Variants in CDKL1 observed in about 807,000 individuals in gnomAD.
CDKL1 encodes the protein cyclin dependent kinase like 1, also known as cyclin-dependent kinase-like 1.
Under a neutral mutation model 42.0 loss-of-function variants are expected in CDKL1, and 41 were observed. The ratio of observed to expected loss-of-function variants is 0.98; its 90% CI spans 0.76 to 1.27. CDKL1 has a LOEUF of 1.27. Ranked by LOEUF, CDKL1 falls within the 50% of genes most tolerant of loss-of-function variation. The pLI, the probability that CDKL1 is intolerant of heterozygous loss-of-function variation, is 0.00. For synonymous variants in CDKL1, 153 were observed against 158.6 expected (o/e 0.96, Z 0.26); for missense variants, 394 against 428.4 (o/e 0.92, Z 0.71).
rs1057496981 is a variant in CDKL1, at chr14:50,327,656, G to C, written c.*2418C>G. On this transcript the variant is annotated 3_prime_UTR_variant, in exon 10 of 10. Coordinates refer to ENST00000395834, the MANE Select transcript of CDKL1 (RefSeq NM_004196.7). ...ATTTTTGTACTTTTAGTAGAGACAG[G>C]GTTTCACCATCTTGGCCAGACTGGT... The C allele has an allele frequency of 6.6e-6, 1 of 151,730 alleles. No individual in the cohort carries two copies. Among genetic ancestry groups the C allele is most frequent in the Non-Finnish European group, 1.5e-5 (1 of 68,012 alleles). The allele number at this position is 151,730 out of a possible 1,614,324, so 9.4% of individuals were successfully genotyped here. A position where few individuals can be genotyped will look rare whatever the true frequency, so the allele number is the denominator to read the frequency against.
intron 2 of CDKL1, among the ~76,000 whole-genome samples, chr14:50,379,794 G>C (rs1366218594): frequency 6.6e-6 from 1 of 152,212 alleles, no homozygotes; most frequent in Non-Finnish European, 1.5e-5. Context: ...CCAGTCCAAA[G>C]TGTTGCTGAC....
At position 50,346,258 on chromosome 14, in the gene CDKL1, G is replaced by A. The variant is rs192800105; in HGVS notation, c.291-1200C>T. On this transcript the variant is annotated intron_variant, in intron 3 of 9. Coordinates refer to ENST00000395834, the MANE Select transcript of CDKL1 (RefSeq NM_004196.7). ...GGGATCACATGAAGGAAAGGAAGAGGCCACTTCCAGGAAGGCTAGTTGGGA... is the reference window on the plus strand; with the variant it reads ...GGGATCACATGAAGGAAAGGAAGAGACCACTTCCAGGAAGGCTAGTTGGGA... 1.5e-3 allele frequency among the ~76,000 whole-genome samples: 227 copies of A among 152,174 alleles called. 1 individual carries two copies. The highest frequency in any genetic ancestry group is 2.5e-3 in the Non-Finnish European group (171 of 68,002).
intron 7 of CDKL1, among the ~76,000 whole-genome samples, chr14:50,338,243 G>C (rs575847678): frequency 6.6e-6 from 1 of 152,232 alleles, no homozygotes; most frequent in African/African-American, 2.4e-5. Context: ...ATTTTGGAAA[G>C]AGTCTTGCTC....
chr14:50,367,080 C>A (rs781481598), intron 2 of CDKL1, among the ~76,000 whole-genome samples: 1 of 152,178 alleles, frequency 6.6e-6, no homozygotes, highest in Non-Finnish European at 1.5e-5. Context: ...AGAACCCTCC[C>A]ACCCAGATGT....
chr14:50,344,613 G>A (rs1189336751), intron 4 of CDKL1, among the ~76,000 whole-genome samples: 4 of 151,678 alleles, frequency 2.6e-5, no homozygotes. Context: ...AGGACCACAG[G>A]CACACACCAC....
intron 2 of CDKL1, among the ~76,000 whole-genome samples, chr14:50,368,004 G>C (rs2034480263): frequency 6.6e-6 from 1 of 152,050 alleles, no homozygotes; most frequent in Admixed American, 6.6e-5. Context: ...TGTCACCCAG[G>C]TGGGAATGCA....
intron 2 of CDKL1, among the ~76,000 whole-genome samples, chr14:50,387,014 G>C (rs1400447689): frequency 1.3e-5 from 2 of 149,194 alleles, no homozygotes; most frequent in African/African-American, 5.0e-5. Flanking sequence ...AAGACAGAGC[G>C]AGACTCCGTC....
Position 50,338,993 on chromosome 14 carries a change from G to A in CDKL1, c.692C>T (p.Thr231Met), listed in dbSNP as rs777979509. The A allele has an allele frequency of 1.4e-5, 22 of 1,612,884 alleles. No homozygotes were observed. Among genetic ancestry groups the A allele is most frequent in the Admixed American group, 8.3e-5 (5 of 60,018 alleles). Residue 231 changes from threonine (T) to methionine (M), a missense_variant, in exon 7 of 10, where the codon ACG (threonine) becomes ATG (methionine). Transcript: ENST00000395834. ...TTTCACTCCACTGAAGTACTGATTC[G>A]TGCTAAACACTTGCTGGTGCCTAGG... is the stretch of plus-strand genomic sequence containing the variant. ...LIPRHQQVFS[T>M]NQYFSGVKIP...
chr14:50,349,110 G>A (rs1177412165), intron 3 of CDKL1, among the ~76,000 whole-genome samples: 1 of 152,138 alleles, frequency 6.6e-6, no homozygotes, highest in Non-Finnish European at 1.5e-5. Flanking sequence ...AAAACACTGA[G>A]CACAAAGAGA....
chr14:50,397,220 C>T (rs185486924), upstream of CDKL1: 7 of 1,366,624 alleles, frequency 5.1e-6, no homozygotes, highest in East Asian at 2.7e-4. Flanking sequence ...CCCCACACCT[C>T]AGAACCGCGG....
chr14:50,353,045 C>T (rs2033949632), intron 3 of CDKL1, among the ~76,000 whole-genome samples: 1 of 152,174 alleles, frequency 6.6e-6, no homozygotes, highest in African/African-American at 2.4e-5. Flanking sequence ...AATAATTTAT[C>T]ATTAGATAAA....
chr14:50,387,807 T>C (rs761067824), intron 2 of CDKL1, among the ~76,000 whole-genome samples: 3 of 152,174 alleles, frequency 2.0e-5, no homozygotes, highest in Non-Finnish European at 2.9e-5. Context: ...TTAAACAATT[T>C]GAAGAGAGGG....
chr14:50,326,678 T>G lies in CDKL1; in HGVS notation c.*3396A>C, dbSNP rs1566564440. 7 of 985,314 alleles carry G rather than the reference T, an allele frequency of 7.1e-6. No individual in the cohort carries two copies. The South Asian group carries it at 2.8e-4, about 40-fold the overall frequency. The allele number at this position is 985,314 out of a possible 1,614,324, so 61.0% of individuals were successfully genotyped here. On this transcript the variant is annotated 3_prime_UTR_variant, in exon 10 of 10. Coordinates refer to ENST00000395834, the MANE Select transcript of CDKL1 (RefSeq NM_004196.7). ...ATACTTGGCTGAATACAAATAGTTTTGCAGATTGCAATATAATAAAGGAAA... is the reference window on the plus strand; with the variant it reads ...ATACTTGGCTGAATACAAATAGTTTGGCAGATTGCAATATAATAAAGGAAA...
At chr14:50,353,461 G>A (rs1425241564) in intron 3 of CDKL1, among the ~76,000 whole-genome samples, 2 of 152,046 alleles carry the variant, frequency 1.3e-5, no homozygotes, top group African/African-American at 4.8e-5. Flanking sequence ...TTCTACACAA[G>A]GCTATCACAA....
At chr14:50,360,600 G>T (rs1479960005) in intron 2 of CDKL1, among the ~76,000 whole-genome samples, 2 of 151,282 alleles carry the variant, frequency 1.3e-5, no homozygotes, top group Non-Finnish European at 3.0e-5. Flanking sequence ...TAGAGACAGG[G>T]TTTCGCCATG....
intron 2 of CDKL1, among the ~76,000 whole-genome samples, chr14:50,395,207 G>A (rs1461522019): frequency 6.6e-6 from 1 of 152,182 alleles, no homozygotes; most frequent in Non-Finnish European, 1.5e-5. Context: ...AAATTGAATT[G>A]TCTTACATTC....
intron 2 of CDKL1, chr14:50,363,105 G>A (rs959375170): frequency 3.3e-6 from 1 of 302,706 alleles, no homozygotes; most frequent in African/African-American, 2.2e-5. Context: ...AAGGTCTGCA[G>A]CTTCACTCTT....
chr14:50,397,116 G>GAAGCTGTAA, upstream of CDKL1: 6 of 1,363,822 alleles, frequency 4.4e-6, no homozygotes, highest in Non-Finnish European at 5.9e-6. Flanking sequence ...ACTTCCGCAG[G>GAAGCTGTAA]CCGTGCAAAG....
chr14:50,330,043 T>C lies in CDKL1; in HGVS notation c.*31A>G. 1.3e-6 allele frequency: 2 copies of C among 1,599,252 alleles called. No individual in the cohort carries two copies. Among genetic ancestry groups the C allele is most frequent in the Non-Finnish European group, 1.7e-6 (2 of 1,176,312 alleles). The stretch of plus-strand genomic sequence containing the variant: ...TATTTTCTTCAAAGCATCTATTGAT[T>C]CCTTTTTTAAAATCATGTCTCCTAG... On this transcript the variant is annotated 3_prime_UTR_variant, in exon 10 of 10. Coordinates refer to ENST00000395834, the MANE Select transcript of CDKL1 (RefSeq NM_004196.7).
Sources: gnomAD v4.1 joint callset for allele counts (sites outside exome capture counted in the v4.1 genomes callset) on GRCh38, gnomAD v4.1.1 for gene constraint, MANE v1.5 for transcripts, NCBI Gene and HGNC (gene_info 2026-07-23, HGNC 2026-07-21) for gene names.